Variants in ASAP1 observed in about 807,000 individuals in gnomAD.
ASAP1 encodes the protein arf-GAP with SH3 domain, ANK repeat and PH domain-containing protein 1.
Under a neutral mutation model 145.2 loss-of-function variants are expected in ASAP1, and 43 were observed. The ratio of observed to expected loss-of-function variants is 0.30; its 90% CI spans 0.23 to 0.38. The LOEUF is 0.38. Ranked by LOEUF, ASAP1 falls within the 10% of genes least tolerant of loss-of-function variation. The probability of loss-of-function intolerance (pLI) is 1.00; values close to 1 mark genes in which losing one functional copy is unlikely to be tolerated. For synonymous variants in ASAP1, 546 were observed against 515.5 expected (o/e 1.06, Z -0.80); for missense variants, 1,018 against 1,355.3 (o/e 0.75, Z 3.91).
intron 1 of ASAP1, among the ~76,000 whole-genome samples, chr8:130,426,064 T>C (rs1012115458): frequency 6.6e-6 from 1 of 152,186 alleles, no homozygotes; most frequent in African/African-American, 2.4e-5. Context: ...TAATTCCCAG[T>C]GTCGGAGGAG....
intron 18 of ASAP1, among the ~76,000 whole-genome samples, chr8:130,121,784 CAAAAAAAAAAA>C (rs56996962): frequency 0.081 from 2,051 of 25,476 alleles, 79 homozygotes; most frequent in Middle Eastern, 0.21. Flanking sequence ...AATTCCATCT[CAAAAAAAAAAA>C]AAAAAAAAAA....
intron 1 of ASAP1, among the ~76,000 whole-genome samples, chr8:130,404,740 T>C (rs116525101): frequency 2.1e-4 from 32 of 152,114 alleles, no homozygotes; most frequent in African/African-American, 7.5e-4. Flanking sequence ...CCCACTAGAG[T>C]GAATGGTGTT....
intron 3 of ASAP1, among the ~76,000 whole-genome samples, chr8:130,277,585 A>G (rs569534870): frequency 5.3e-5 from 8 of 152,344 alleles, no homozygotes; most frequent in African/African-American, 9.6e-5. Flanking sequence ...CATGACAGAA[A>G]CAAAAAATAA....
intron 2 of ASAP1, among the ~76,000 whole-genome samples, chr8:130,401,229 A>C (rs1828782646): frequency 6.6e-6 from 1 of 151,174 alleles, no homozygotes; most frequent in African/African-American, 2.4e-5. Flanking sequence ...GAGTAAATGA[A>C]ATTTTATTTT....
chr8:130,117,425 T>G (rs1026492429), intron 20 of ASAP1, among the ~76,000 whole-genome samples: 10 of 152,220 alleles, frequency 6.6e-5, no homozygotes, highest in African/African-American at 2.4e-4. Flanking sequence ...CTATGCTATA[T>G]TGTCTCTGAG....
At chr8:130,300,149 CACACAGAGAGAGAGAG>C (rs1276658812) in intron 3 of ASAP1, among the ~76,000 whole-genome samples, 6 of 88,650 alleles carry the variant, frequency 6.8e-5, no homozygotes, top group African/African-American at 2.6e-4. Context: ...CACACACACA[CACACAGAGAGAGAGAG>C]AGAGAGAGAG....
At chr8:130,421,200 C>A (rs190460552) in intron 1 of ASAP1, among the ~76,000 whole-genome samples, 74 of 152,214 alleles carry the variant, frequency 4.9e-4, no homozygotes, top group Admixed American at 2.1e-3. Flanking sequence ...ACAACAACAA[C>A]AAAAAAATCA....
chr8:130,394,815 T>C (rs1054399420), intron 2 of ASAP1, among the ~76,000 whole-genome samples: 1 of 152,170 alleles, frequency 6.6e-6, no homozygotes, highest in African/African-American at 2.4e-5. Flanking sequence ...GGTTCCCTGA[T>C]AACTCTGTCT....
At chr8:130,180,990 T>A in intron 7 of ASAP1, 110 bp from the exon 8 acceptor site, 1 of 968,346 alleles carries the variant, frequency 1.0e-6, no homozygotes, top group Non-Finnish European at 1.5e-6. Context: ...TGTGTCTATG[T>A]AGGTTCATCA....
chr8:130,400,578 G>T (rs1828743824), intron 2 of ASAP1, among the ~76,000 whole-genome samples: 1 of 151,880 alleles, frequency 6.6e-6, no homozygotes, highest in Non-Finnish European at 1.5e-5. Flanking sequence ...ACGAGGTCAG[G>T]AGATCAAGAC....
chr8:130,137,147 C>G (rs1036469894), intron 13 of ASAP1, 109 bp from the exon 14 acceptor site: 2 of 859,250 alleles, frequency 2.3e-6, no homozygotes, highest in Non-Finnish European at 3.9e-6. Context: ...CTCAGTGGTA[C>G]AAAAATACAT....
chr8:130,106,607 C>T (rs568156395), intron 24 of ASAP1, among the ~76,000 whole-genome samples: 1 of 152,344 alleles, frequency 6.6e-6, no homozygotes, highest in South Asian at 2.1e-4. Flanking sequence ...CCCTCCTTAT[C>T]CTGGCCACCT....
intron 27 of ASAP1, among the ~76,000 whole-genome samples, chr8:130,062,396 A>C (rs982082428): frequency 2.0e-5 from 3 of 152,258 alleles, no homozygotes; most frequent in Non-Finnish European, 4.4e-5. Flanking sequence ...TCTCTAAAAA[A>C]GTCAAAATCA....
chr8:130,199,849 A>G lies in ASAP1; in HGVS notation c.406-11666T>C, dbSNP rs185904983. On this transcript the variant is annotated intron_variant, in intron 5 of 29. Coordinates refer to ENST00000518721, the MANE Select transcript of ASAP1 (RefSeq NM_018482.4). ...TCAACAAAGTAACAAAAACAAACAA[A>G]CAAACAGTTCTGTGGTAAAGCCGGA... is the stretch of plus-strand genomic sequence containing the variant. Among the ~76,000 whole-genome samples the G allele has an allele frequency of 5.3e-5, 8 of 152,258 alleles. No individual in the cohort carries two copies. In the East Asian group the frequency reaches 1.5e-3, roughly 29 times the overall value.
chr8:130,303,829 C>T (rs1822822092), intron 3 of ASAP1, among the ~76,000 whole-genome samples: 1 of 152,122 alleles, frequency 6.6e-6, no homozygotes, highest in Non-Finnish European at 1.5e-5. Flanking sequence ...TAAAACTACT[C>T]TGATACAGTA....
chr8:130,156,316 G>C (rs1334629793), intron 12 of ASAP1, among the ~76,000 whole-genome samples: 1 of 152,160 alleles, frequency 6.6e-6, no homozygotes, highest in African/African-American at 2.4e-5. Flanking sequence ...GCAACTCCAG[G>C]TTATTAGTGC....
At chr8:130,357,745 A>T (rs1240101512) in intron 3 of ASAP1, among the ~76,000 whole-genome samples, 1 of 152,194 alleles carries the variant, frequency 6.6e-6, no homozygotes, top group Non-Finnish European at 1.5e-5. Context: ...CAGGGACAGG[A>T]CTTCCATCTT....
chr8:130,107,377 G>A (rs940929141), intron 24 of ASAP1, among the ~76,000 whole-genome samples: 1 of 151,694 alleles, frequency 6.6e-6, no homozygotes, highest in Non-Finnish European at 1.5e-5. Flanking sequence ...AGTAGAGACA[G>A]GGTTTTACCA....
At chr8:130,119,604 G>A (rs2097562288) in intron 18 of ASAP1, among the ~76,000 whole-genome samples, 1 of 152,164 alleles carries the variant, frequency 6.6e-6, no homozygotes, top group South Asian at 2.1e-4. Context: ...AGAGGTAGGA[G>A]TCAAGGAAAG....
Sources: allele counts gnomAD v4.1 joint callset (sites outside exome capture counted in the v4.1 genomes callset), GRCh38; gene constraint gnomAD v4.1.1; transcripts MANE v1.5; gene names NCBI Gene and HGNC (gene_info 2026-07-23, HGNC 2026-07-21).